Variants in RBL2 observed in about 807,000 individuals in gnomAD.
RBL2 encodes the protein retinoblastoma-like protein 2.
RBL2 carries 56 observed loss-of-function variants against 126.0 expected under a neutral mutation model. The observed-to-expected ratio is 0.44, with a 90% CI of 0.36 to 0.56. The LOEUF is 0.56. RBL2 is among the 20% of genes least tolerant of loss of function. The pLI is 0.00. For missense variants in RBL2, 1,229 were observed against 1,398.2 expected (o/e 0.88, Z 1.93); for synonymous variants, 454 against 478.5 (o/e 0.95, Z 0.67).
chr16:53,452,251 G>T (rs2058122925), intron 5 of RBL2, among the ~76,000 whole-genome samples: 1 of 151,992 alleles, frequency 6.6e-6, no homozygotes, highest in African/African-American at 2.4e-5. Flanking sequence ...TAAAGAAAAT[G>T]AACTTTCATC....
chr16:53,487,075 T>C (rs536748329), intron 21 of RBL2, among the ~76,000 whole-genome samples: 136 of 152,338 alleles, frequency 8.9e-4, no homozygotes, highest in African/African-American at 3.2e-3. Context: ...GTTCATGACA[T>C]TGAATGAAAA....
At chr16:53,435,027 A>T (rs1208571153) in intron 1 of RBL2, among the ~76,000 whole-genome samples, 1 of 152,180 alleles carries the variant, frequency 6.6e-6, no homozygotes, top group Admixed American at 6.5e-5. Context: ...GCCCTAAAGT[A>T]GCACAGCAAG....
At chr16:53,446,226 A>C (rs2058060884) in intron 3 of RBL2, among the ~76,000 whole-genome samples, 1 of 152,216 alleles carries the variant, frequency 6.6e-6, no homozygotes. Context: ...GCTACTTTTA[A>C]AAGCAGAACA....
intron 18 of RBL2, chr16:53,479,460 CA>C (rs1273700228): frequency 1.9e-6 from 1 of 538,224 alleles, no homozygotes; most frequent in Non-Finnish European, 3.3e-6. Flanking sequence ...AGAAAAATCA[CA>C]AGATAGGAAT....
rs917546525 is a variant in RBL2, at chr16:53,483,028, A to G, written c.3249+1193A>G. On this transcript the variant is annotated intron_variant, in intron 21 of 21. Coordinates refer to ENST00000262133, the MANE Select transcript of RBL2 (RefSeq NM_005611.4). The stretch of plus-strand genomic sequence containing the variant: ...AAAATTTGAATGTGGCCTTCAGTGT[A>G]TTTTTTTTTAAAAGTTTCTTTGGTG... Among the ~76,000 whole-genome samples, 102 of 151,930 alleles carry G rather than the reference A, an allele frequency of 6.7e-4. 1 individual carries two copies. Among genetic ancestry groups the G allele is most frequent in the African/African-American group, 2.3e-3 (97 of 41,394 alleles).
chr16:53,489,344 A>C (rs1028719105), intron 21 of RBL2: 1 of 152,222 alleles, frequency 6.6e-6, no homozygotes, highest in East Asian at 1.9e-4. Context: ...CCTATAATAG[A>C]TATCTGTGAA....
rs555303335 is a variant in RBL2 at position 53,454,520 on chromosome 16, T to A, written c.993-136T>A. 2.6e-5 allele frequency: 21 copies of A among 798,198 alleles called. No individual in the cohort carries two copies. In the Admixed American group the frequency reaches 3.7e-4, roughly 14 times the overall value. 49.4% of individuals were successfully genotyped at this position (798,198 alleles called of 1,614,324 possible). A position where few individuals can be genotyped will look rare whatever the true frequency, so the allele number is the denominator to read the frequency against. On this transcript the variant is annotated intron_variant, in intron 7 of 21. Coordinates refer to ENST00000262133, the MANE Select transcript of RBL2 (RefSeq NM_005611.4). The stretch of plus-strand genomic sequence containing the variant: ...ACCCAGCTATACTATCCAGTTCTTA[T>A]AACTACAAGTTACCCTACCAAAGTT...
intron 3 of RBL2, among the ~76,000 whole-genome samples, chr16:53,445,552 G>T (rs888936192): frequency 6.6e-6 from 1 of 152,086 alleles, no homozygotes; most frequent in African/African-American, 2.4e-5. Flanking sequence ...AAAATTAGCC[G>T]CAGAGAGGTT....
In RBL2 at chr16:53,481,731, C is replaced by G. The variant is rs1331881586; in HGVS notation, c.3145C>G (p.Gln1049Glu). The stretch of plus-strand genomic sequence containing the variant: ...AAGAACAGGCTCCCCTCGCCGAATA[C>G]AGTTGTCTCAAAATCATCCTGTCTA... ...FVRTGSPRRIQLSQNHPVYIS... is the reference protein window; with the variant it reads ...FVRTGSPRRIELSQNHPVYIS... Residue 1049 changes from glutamine (Q) to glutamate (E), a missense_variant, in exon 21 of 22, where the codon CAG (glutamine) becomes GAG (glutamate). Transcript: ENST00000262133. 6.2e-7 allele frequency: 1 copy of G among 1,607,622 alleles called. No individual in the cohort carries two copies. The highest frequency in any genetic ancestry group is 2.2e-5 in the East Asian group (1 of 44,852).
chr16:53,434,800 C>A lies in RBL2; in HGVS notation c.240+4C>A, dbSNP rs1342443472. On this transcript the variant is annotated splice_donor_region_variant and intron_variant, in intron 1 of 21. Transcript: ENST00000262133. ...GAGCGAAAGCTACACGCTGGAGGTGCGCTCGCGGGCGGAGGGGCGCTTCCG... is the reference window on the plus strand; with the variant it reads ...GAGCGAAAGCTACACGCTGGAGGTGAGCTCGCGGGCGGAGGGGCGCTTCCG... 1 of 1,485,658 alleles carries A rather than the reference C, an allele frequency of 6.7e-7. No homozygotes were observed. 92.0% of individuals were successfully genotyped at this position (1,485,658 alleles called of 1,614,324 possible). A position where few individuals can be genotyped will look rare whatever the true frequency, so the allele number is the denominator to read the frequency against.
At chr16:53,450,741 T>C (rs1203404783) in intron 4 of RBL2, among the ~76,000 whole-genome samples, 1 of 152,190 alleles carries the variant, frequency 6.6e-6, no homozygotes, top group African/African-American at 2.4e-5. Context: ...TGAAAGATAT[T>C]TAATGGTACT....
chr16:53,473,992 C>T (rs1212616040), intron 17 of RBL2, among the ~76,000 whole-genome samples: 1 of 151,992 alleles, frequency 6.6e-6, no homozygotes, highest in Non-Finnish European at 1.5e-5. Context: ...GTAAATCCCT[C>T]TCAGTCATGG....
intron 14 of RBL2, 62 bp from the exon 15 acceptor site, chr16:53,469,854 G>A: frequency 6.8e-7 from 1 of 1,471,926 alleles, no homozygotes; most frequent in Non-Finnish European, 9.1e-7. Context: ...TAAGAGCTTG[G>A]ACGGAAGTCA....
intron 21 of RBL2, among the ~76,000 whole-genome samples, chr16:53,482,248 G>A (rs1205494249): frequency 2.0e-5 from 3 of 152,198 alleles, no homozygotes; most frequent in African/African-American, 7.2e-5. Context: ...TTTTGACATT[G>A]CAGTGCAATA....
Position 53,479,150 on chromosome 16 carries a change from C to T in RBL2, c.2704-4C>T, listed in dbSNP as rs1323765381. On this transcript the variant is annotated splice_region_variant and splice_polypyrimidine_tract_variant and intron_variant, in intron 17 of 21. Transcript: ENST00000262133. ...TCTCTCAGAGCACTCTTATTGTTTG[C>T]CAGGTCACAAAAGAAGATAAGTCCT... 1.2e-6 allele frequency: 2 copies of T among 1,611,696 alleles called. No individual in the cohort carries two copies. The highest frequency in any genetic ancestry group is 1.7e-6 in the Non-Finnish European group (2 of 1,177,860).
intron 17 of RBL2, among the ~76,000 whole-genome samples, chr16:53,477,279 G>A (rs1486183676): frequency 1.3e-5 from 2 of 152,208 alleles, no homozygotes; most frequent in Non-Finnish European, 2.9e-5. Context: ...AAGGAAAGGA[G>A]TGTAAGTATG....
At chr16:53,480,878 G>A (rs1305064402) in intron 20 of RBL2, 109 bp downstream of exon 20, 29 of 1,138,548 alleles carry the variant, frequency 2.5e-5, no homozygotes, top group Non-Finnish European at 3.5e-5. Flanking sequence ...ACTAGTTTTG[G>A]CCAGGTGTGG....
chr16:53,479,096 C>T (rs1960841516), intron 17 of RBL2, 58 bp from the exon 18 acceptor site: 9 of 1,389,018 alleles, frequency 6.5e-6, no homozygotes, highest in Non-Finnish European at 8.2e-6. Flanking sequence ...CACAGAGCTC[C>T]TCACACTATT....
intron 21 of RBL2, chr16:53,488,130 T>C (rs1353979399): frequency 1.3e-5 from 2 of 152,210 alleles, no homozygotes; most frequent in Non-Finnish European, 2.9e-5. Flanking sequence ...TCTTCCTAAT[T>C]GCCAAAAAGT....
Sources: allele counts gnomAD v4.1 joint callset (sites outside exome capture counted in the v4.1 genomes callset), GRCh38; gene constraint gnomAD v4.1.1; transcripts MANE v1.5; gene names NCBI Gene and HGNC (gene_info 2026-07-23, HGNC 2026-07-21).